Variants in ZNF69 observed in about 807,000 individuals in gnomAD.
ZNF69 encodes ZNF3.
Under a neutral mutation model 50.9 loss-of-function variants are expected in ZNF69, and 47 were observed. The observed-to-expected ratio is 0.92, with a 90% confidence interval of 0.73 to 1.18. The LOEUF (loss-of-function observed/expected upper bound fraction) is 1.18. ZNF69 is among the 50% of genes most tolerant of loss of function. The probability of loss-of-function intolerance (pLI) is 0.00; values close to 1 mark genes in which losing one functional copy is unlikely to be tolerated. For missense variants in ZNF69, 717 were observed against 675.1 expected (o/e 1.06, Z -0.69); for synonymous variants, 216 against 223.1 (o/e 0.97, Z 0.29).
At chr19:11,913,852 A>G (rs1341984414) in exon 5 of ZNF69, 1 of 153,244 alleles carries the variant, frequency 6.5e-6, no homozygotes, top group African/African-American at 2.4e-5. Flanking sequence ...GAGATGTATG[A>G]GAATGACACG....
exon 5 of ZNF69, chr19:11,913,987 AG>A: frequency 6.6e-6 from 1 of 152,348 alleles, no homozygotes; most frequent in East Asian, 1.9e-4. Context: ...ATGGTCACTG[AG>A]GAGCATCGTC....
At chr19:11,928,124 C>T in the ZNF69 span, among the ~76,000 whole-genome samples, 17 of 152,142 alleles carry the variant, frequency 1.1e-4, no homozygotes, top group African/African-American at 4.1e-4. Flanking sequence ...GTAGCTAAGA[C>T]TACAATTGCC....
chr19:11,940,044 G>C, the ZNF69 span: 2 of 150,660 alleles, frequency 1.3e-5, no homozygotes, highest in Non-Finnish European at 2.9e-5. Context: ...CAATTCTCCT[G>C]TCTCAGCCTC....
chr19:11,915,990 A>G (rs1972518493), downstream of ZNF69, among the ~76,000 whole-genome samples: 1 of 152,108 alleles, frequency 6.6e-6, no homozygotes, highest in Non-Finnish European at 1.5e-5. Context: ...CACATTGACC[A>G]TTGGAGGAGC....
the ZNF69 span, among the ~76,000 whole-genome samples, chr19:11,963,074 T>TGAGAGAGAGAGAGAGAGAGAGA: frequency 7.9e-3 from 1,058 of 133,620 alleles, 5 homozygotes; most frequent in South Asian, 0.012. Flanking sequence ...GGTAGTTTGG[T>TGAGAGAGAGAGAGAGAGAGAGA]GAGAGAGAGA....
chr19:11,974,719 C>T, the ZNF69 span, among the ~76,000 whole-genome samples: 1 of 152,204 alleles, frequency 6.6e-6, no homozygotes, highest in East Asian at 1.9e-4. Context: ...TCTCCCACCT[C>T]AGCCTCCCAG....
At chr19:11,950,200 C>G in the ZNF69 span, 1 of 1,613,400 alleles carries the variant, frequency 6.2e-7, no homozygotes, top group Non-Finnish European at 8.5e-7. Context: ...CGCAAGGACT[C>G]ATATGGGAGA....
chr19:11,898,600 A>G (rs887261717), intron 1 of ZNF69, among the ~76,000 whole-genome samples: 4 of 152,094 alleles, frequency 2.6e-5, no homozygotes, highest in African/African-American at 9.7e-5. Flanking sequence ...CATATTGACC[A>G]GGCTGGTCTC....
exon 5 of ZNF69, chr19:11,913,622 C>G (rs1044125078): frequency 3.2e-6 from 1 of 307,728 alleles, no homozygotes; most frequent in African/African-American, 2.2e-5. Context: ...AACTCCAGAC[C>G]TCATGATTCG....
At chr19:11,933,395 CA>C in the ZNF69 span, among the ~76,000 whole-genome samples, 40 of 148,332 alleles carry the variant, frequency 2.7e-4, no homozygotes, top group South Asian at 2.7e-3. Context: ...CCATCTTTTA[CA>C]TGAAACTTCA....
chr19:11,911,338 A>T (rs575702382), downstream of ZNF69, among the ~76,000 whole-genome samples: 10 of 152,344 alleles, frequency 6.6e-5, no homozygotes, highest in African/African-American at 2.2e-4. Context: ...TACCCAAAGG[A>T]TTATAAATCA....
the ZNF69 span, among the ~76,000 whole-genome samples, chr19:11,977,774 C>G: frequency 6.6e-6 from 1 of 152,140 alleles, no homozygotes; most frequent in East Asian, 1.9e-4. Flanking sequence ...AAGGATCACT[C>G]AAGCCCCCAG....
chr19:11,897,736 G>A (rs985742232), intron 1 of ZNF69, among the ~76,000 whole-genome samples: 27 of 151,726 alleles, frequency 1.8e-4, no homozygotes, highest in Non-Finnish European at 3.1e-4. Context: ...GCCGAGCGTG[G>A]TGGTGGGCGC....
chr19:11,907,876 G>C (rs1568281763), downstream of ZNF69, among the ~76,000 whole-genome samples: 1 of 152,126 alleles, frequency 6.6e-6, no homozygotes, highest in South Asian at 2.1e-4. Flanking sequence ...ACACAGACTG[G>C]CAAATTGGAT....
At chr19:11,930,024 C>A in the ZNF69 span, among the ~76,000 whole-genome samples, 1 of 148,144 alleles carries the variant, frequency 6.8e-6, no homozygotes, top group Admixed American at 6.6e-5. Context: ...TGACCCAAGA[C>A]CCCCACAATT....
the ZNF69 span, among the ~76,000 whole-genome samples, chr19:11,940,831 C>T: frequency 6.6e-6 from 1 of 151,962 alleles, no homozygotes; most frequent in African/African-American, 2.4e-5. Context: ...TTCTCCACGT[C>T]CCCCCCAGAT....
At chr19:11,971,318 C>A in the ZNF69 span, among the ~76,000 whole-genome samples, 1 of 152,140 alleles carries the variant, frequency 6.6e-6, no homozygotes, top group African/African-American at 2.4e-5. Context: ...GAGCACTAAT[C>A]TCATTCGGAA....
At chr19:11,952,917 T>C in the ZNF69 span, 1 of 152,120 alleles carries the variant, frequency 6.6e-6, no homozygotes, top group South Asian at 2.1e-4. Context: ...CTACTAAAAA[T>C]ACAAAAATTA....
chr19:11,912,810 A>C (rs890424237), intron 4 of ZNF69, among the ~76,000 whole-genome samples: 3 of 152,274 alleles, frequency 2.0e-5, no homozygotes, highest in Non-Finnish European at 4.4e-5. Context: ...AAGCATTCAG[A>C]CCTGACAAGA....
Sources: gnomAD v4.1 joint callset for allele counts (sites outside exome capture counted in the v4.1 genomes callset) on GRCh38, gnomAD v4.1.1 for gene constraint, MANE v1.5 for transcripts, NCBI Gene and HGNC (gene_info 2026-07-23, HGNC 2026-07-21) for gene names.